Variants in MN1 observed in about 807,000 individuals in gnomAD.
MN1 encodes the protein MN1 proto-oncogene, transcriptional regulator, also known as transcriptional activator MN1.
Under a neutral mutation model 86.9 loss-of-function variants are expected in MN1, and 19 were observed. The ratio of observed to expected loss-of-function variants is 0.22; its 90% confidence interval spans 0.15 to 0.32. MN1 has a LOEUF of 0.32. Ranked by LOEUF, MN1 falls within the 10% of genes least tolerant of loss-of-function variation. The pLI is 1.00. For missense variants in MN1, 1,841 were observed against 1,862.0 expected, an observed-to-expected ratio of 0.99 and a Z score of 0.21; for synonymous variants, 928 against 849.6, an observed-to-expected ratio of 1.09 and a Z score of -1.60.
Position 27,798,261 on chromosome 22 carries a change from TG to T in MN1, c.2282del (p.Pro761GlnfsTer3). ...AGRQSTPHSG[P>X]GVNSPPSAGG... ...CCGCGCTGGGGGGCGAGTTCACGCC[TG>T]GACCGCTGTGCGGCGTGGACTGCCG... On this transcript the variant is annotated frameshift_variant, in exon 1 of 2. Coordinates refer to ENST00000302326, the MANE Select transcript of MN1 (RefSeq NM_002430.3). LOFTEE classifies it high-confidence loss of function. 6.5e-7 allele frequency: 1 copy of T among 1,527,344 alleles called. No homozygotes were observed. Among genetic ancestry groups the T allele is most frequent in the Admixed American group, 2.1e-5 (1 of 47,700 alleles). 94.6% of individuals were successfully genotyped at this position (1,527,344 alleles called of 1,614,324 possible). A position where few individuals can be genotyped will look rare whatever the true frequency, so the allele number is the denominator to read the frequency against.
chr22:27,767,589 A>G (rs1287326872), intron 1 of MN1, among the ~76,000 whole-genome samples: 1 of 152,168 alleles, frequency 6.6e-6, no homozygotes, highest in Non-Finnish European at 1.5e-5. Context: ...GCCCAGTGTG[A>G]TCACCCAGAA....
intron 1 of MN1, among the ~76,000 whole-genome samples, chr22:27,777,364 C>T (rs1435822785): frequency 6.6e-6 from 1 of 151,862 alleles, no homozygotes; most frequent in East Asian, 1.9e-4. Context: ...AAGACCCCAT[C>T]TCTATGAAAA....
In MN1 at chr22:27,797,511, C is replaced by T. The variant is rs772687716; in HGVS notation, c.3033G>A (p.Gly1011=). ...HEKALTSPSW[G]KGAELLLGDQ... ...CCCCCAGGAGCAACTCAGCCCCCTTCCCCCAGGATGGCGACGTGAGCGCCT... is the reference window on the plus strand; with the variant it reads ...CCCCCAGGAGCAACTCAGCCCCCTTTCCCCAGGATGGCGACGTGAGCGCCT... Residue 1011 remains glycine (G), a synonymous_variant, in exon 1 of 2, where the codon GGG becomes GGA. Transcript: ENST00000302326. The T allele has an allele frequency of 1.2e-6, 2 of 1,606,684 alleles. No homozygotes were observed. Among genetic ancestry groups the T allele is most frequent in the South Asian group, 2.2e-5 (2 of 90,368 alleles).
chr22:27,761,597 A>C (rs562937582), intron 1 of MN1, among the ~76,000 whole-genome samples: 18 of 152,324 alleles, frequency 1.2e-4, no homozygotes, highest in African/African-American at 4.3e-4. Flanking sequence ...AGGAGGCAGC[A>C]CACGGCAGGG....
chr22:27,759,974 T>G (rs1932823868), intron 1 of MN1, among the ~76,000 whole-genome samples: 1 of 150,878 alleles, frequency 6.6e-6, no homozygotes, highest in East Asian at 1.9e-4. Flanking sequence ...TCCCAGCAAT[T>G]TGGGAGGTGC....
intron 1 of MN1, among the ~76,000 whole-genome samples, chr22:27,778,688 C>A (rs1239393268): frequency 3.3e-5 from 5 of 152,234 alleles, no homozygotes; most frequent in African/African-American, 1.2e-4. Flanking sequence ...ACAGGCCTGG[C>A]TTCCTGCACT....
chr22:27,751,488 C>T (rs1231863277), intron 1 of MN1, among the ~76,000 whole-genome samples: 2 of 152,062 alleles, frequency 1.3e-5, no homozygotes, highest in Non-Finnish European at 2.9e-5. Flanking sequence ...TGTAGGAGTT[C>T]GCCGCATGCA....
In MN1 at chr22:27,800,096, C is replaced by A. The variant is rs1361437225; in HGVS notation, c.448G>T (p.Ala150Ser). ...TCCGCCATGTGCTCATAGCCCTCGG[C>A]GAAGGGCGGCTGGCTGCCCAGGCCT... ...AGGLGSQPPFAEGYEHMAESQ... is the reference protein window; with the variant it reads ...AGGLGSQPPFSEGYEHMAESQ... Residue 150 changes from alanine to serine, a missense_variant, in exon 1 of 2, where the codon GCC becomes TCC. Coordinates refer to ENST00000302326, the MANE Select transcript of MN1 (RefSeq NM_002430.3). The A allele has an allele frequency of 1.9e-6, 3 of 1,588,232 alleles. No individual in the cohort carries two copies. The highest frequency in any genetic ancestry group is 2.3e-5 in the East Asian group (1 of 44,086).
intron 1 of MN1, among the ~76,000 whole-genome samples, chr22:27,757,298 G>T (rs1932807423): frequency 6.6e-6 from 1 of 152,244 alleles, no homozygotes; most frequent in Non-Finnish European, 1.5e-5. Flanking sequence ...GCCTCCCAAA[G>T]TGCTGGGATT....
At chr22:27,756,330 C>A (rs890997876) in intron 1 of MN1, among the ~76,000 whole-genome samples, 1 of 152,280 alleles carries the variant, frequency 6.6e-6, no homozygotes, top group South Asian at 2.1e-4. Flanking sequence ...CACTAAAATC[C>A]GCGGACCAGG....
Position 27,800,297 on chromosome 22 carries a change from GC to G in MN1, c.246del (p.Leu83CysfsTer140). On this transcript the variant is annotated frameshift_variant, in exon 1 of 2. Transcript: ENST00000302326. LOFTEE classifies it high-confidence loss of function. Reference sequence around the variant, plus strand: ...AAGCCGTGCACAGGCTGCGCTTGCAGCCCCCCTGCGTGCAACTCCGAGTGGC... The same window carrying G: ...AAGCCGTGCACAGGCTGCGCTTGCAGCCCCCTGCGTGCAACTCCGAGTGGC... ...ARGHSELHAG[G>X]LQAQPVHGFF... 6.3e-7 allele frequency: 1 copy of G among 1,576,098 alleles called. No homozygotes were observed. Among genetic ancestry groups the G allele is most frequent in the Non-Finnish European group, 8.6e-7 (1 of 1,161,368 alleles).
intron 1 of MN1, among the ~76,000 whole-genome samples, chr22:27,764,433 C>A (rs897106185): frequency 2.0e-5 from 3 of 152,206 alleles, no homozygotes; most frequent in African/African-American, 7.2e-5. Context: ...CTTAGTTCCT[C>A]ATTCCAGCCC....
chr22:27,760,800 A>G (rs2014274), intron 1 of MN1, among the ~76,000 whole-genome samples: 36,942 of 152,158 alleles, frequency 0.24, 7,117 homozygotes, highest in African/African-American at 0.53. Context: ...ACTTCCATCA[A>G]TAGTGTCACC....
intron 1 of MN1, among the ~76,000 whole-genome samples, chr22:27,784,954 A>T (rs1045973038): frequency 6.6e-6 from 1 of 152,018 alleles, no homozygotes. Context: ...AACAAATGGT[A>T]TGAGTCCCTT....
chr22:27,765,284 T>G (rs535312587), intron 1 of MN1, among the ~76,000 whole-genome samples: 2 of 152,228 alleles, frequency 1.3e-5, no homozygotes, highest in Non-Finnish European at 2.9e-5. Flanking sequence ...CTGTCACTTT[T>G]AGGGAGTCAG....
At chr22:27,758,539 G>C (rs912498102) in intron 1 of MN1, among the ~76,000 whole-genome samples, 2 of 152,176 alleles carry the variant, frequency 1.3e-5, no homozygotes, top group African/African-American at 4.8e-5. Context: ...CTGAGGGCAG[G>C]GCCCCTCACC....
At chr22:27,768,546 C>G (rs149765631) in intron 1 of MN1, among the ~76,000 whole-genome samples, 1 of 152,168 alleles carries the variant, frequency 6.6e-6, no homozygotes, top group Non-Finnish European at 1.5e-5. Flanking sequence ...CAAGTAGATG[C>G]CTTGGGAGCT....
In MN1 at chr22:27,750,192, G is replaced by C. The variant is rs904053250; in HGVS notation, c.*723C>G. 4.3e-6 allele frequency: 1 copy of C among 231,608 alleles called. No homozygotes were observed. 14.3% of individuals were successfully genotyped at this position (231,608 alleles called of 1,614,324 possible). On this transcript the variant is annotated 3_prime_UTR_variant, in exon 2 of 2. Coordinates refer to ENST00000302326, the MANE Select transcript of MN1 (RefSeq NM_002430.3). ...AGAGGGGCGGCTTCCAGCAGGAGAA[G>C]AGAGAACTCAAGTGGAAGGGAACTG...
chr22:27,793,959 C>G (rs1413154351), intron 1 of MN1, among the ~76,000 whole-genome samples: 2 of 151,934 alleles, frequency 1.3e-5, no homozygotes, highest in Non-Finnish European at 2.9e-5. Flanking sequence ...AATAAAATAT[C>G]ATTACAAAAA....
Sources: gnomAD v4.1 joint callset for allele counts (sites outside exome capture counted in the v4.1 genomes callset) on GRCh38, gnomAD v4.1.1 for gene constraint, MANE v1.5 for transcripts, NCBI Gene and HGNC (gene_info 2026-07-23, HGNC 2026-07-21) for gene names.